UBA2: variants seen among roughly 807,000 people sequenced by gnomAD.
The protein encoded by UBA2 is SUMO-activating enzyme subunit 2.
In UBA2, 11 loss-of-function variants were observed where a neutral mutation model predicts 77.2. That is an observed-to-expected ratio of 0.14 (90% CI 0.09 to 0.24). The LOEUF (loss-of-function observed/expected upper bound fraction) is 0.24, where lower values mean the gene tolerates loss of function less well. Ranked by LOEUF, UBA2 falls within the 10% of genes least tolerant of loss-of-function variation. UBA2 has a pLI of 1.00. For synonymous variants in UBA2, 278 were observed against 276.7 expected (o/e 1.00, Z -0.05); for missense variants, 487 against 781.7 (o/e 0.62, Z 4.50).
chr19:34,464,778 G>A (rs932900880), intron 15 of UBA2, among the ~76,000 whole-genome samples: 6 of 152,096 alleles, frequency 3.9e-5, no homozygotes, highest in African/African-American at 7.2e-5. Flanking sequence ...AAATCATTTC[G>A]TTTGTGATTT....
intron 6 of UBA2, among the ~76,000 whole-genome samples, chr19:34,439,224 A>AG (rs1361828073): frequency 1.3e-5 from 2 of 150,660 alleles, no homozygotes; most frequent in Non-Finnish European, 3.0e-5. Flanking sequence ...AAAAAAAAAA[A>AG]TGTGGCCATG....
chr19:34,438,878 G>A (rs1426881873), intron 6 of UBA2, 112 bp downstream of exon 6: 8 of 1,390,688 alleles, frequency 5.8e-6, no homozygotes, highest in Non-Finnish European at 7.9e-6. Context: ...ATATGGTGAA[G>A]GGATGCTTTA....
At chr19:34,458,327 G>A (rs1599927238) in intron 12 of UBA2, among the ~76,000 whole-genome samples, 1 of 151,826 alleles carries the variant, frequency 6.6e-6, no homozygotes. Context: ...AGGCCGAGGC[G>A]GGCGGATCAC....
rs2075536014 is a variant in UBA2, at chr19:34,454,425, CCTT to C, written c.1133-18_1133-16del. On this transcript the variant is annotated splice_polypyrimidine_tract_variant and intron_variant, in intron 11 of 16. Transcript: ENST00000246548. ...TTTTTAAACAGTGAAACATACTCAT[CCTT>C]TTTTTTTTTTCCCAGCAATGGCAGG... is the stretch of plus-strand genomic sequence containing the variant. 1 of 1,540,736 alleles carries C rather than the reference CCTT, an allele frequency of 6.5e-7. No homozygotes were observed. Among genetic ancestry groups the C allele is most frequent in the Non-Finnish European group, 8.9e-7 (1 of 1,129,488 alleles).
At chr19:34,429,354 C>A in intron 1 of UBA2, 2 of 653,670 alleles carry the variant, frequency 3.1e-6, no homozygotes, top group East Asian at 1.4e-4. Context: ...ATGTTACTGG[C>A]CCTTCGGTGT....
chr19:34,457,442 G>GC (rs1380497872), intron 12 of UBA2, among the ~76,000 whole-genome samples: 1 of 151,796 alleles, frequency 6.6e-6, no homozygotes, highest in Non-Finnish European at 1.5e-5. Flanking sequence ...ATTAATGTTA[G>GC]CCCAGGTATT....
chr19:34,428,403 G>A lies in UBA2; in HGVS notation c.-30G>A. On this transcript the variant is annotated 5_prime_UTR_variant, in exon 1 of 17. Coordinates refer to ENST00000246548, the MANE Select transcript of UBA2 (RefSeq NM_005499.3). ...GCCGCGGCTCGGTTCTCCCGCCTCCGCCTCCGCCGCGGCTCGTGGTTGTCC... is the reference window on the plus strand; with the variant it reads ...GCCGCGGCTCGGTTCTCCCGCCTCCACCTCCGCCGCGGCTCGTGGTTGTCC... 7 of 1,239,132 alleles carry A rather than the reference G, an allele frequency of 5.6e-6. No individual in the cohort carries two copies. The highest frequency in any genetic ancestry group is 7.1e-6 in the Non-Finnish European group (7 of 990,436). The allele number at this position is 1,239,132 out of a possible 1,614,324, so 76.8% of individuals were successfully genotyped here.
At chr19:34,448,698 T>C (rs1007187306) in intron 8 of UBA2, among the ~76,000 whole-genome samples, 1 of 152,188 alleles carries the variant, frequency 6.6e-6, no homozygotes, top group Non-Finnish European at 1.5e-5. Context: ...GAGATTCTTT[T>C]GGAACATTAG....
At chr19:34,433,767 C>G (rs2075280160) in intron 4 of UBA2, among the ~76,000 whole-genome samples, 1 of 152,104 alleles carries the variant, frequency 6.6e-6, no homozygotes, top group African/African-American at 2.4e-5. Context: ...CGAGACCAAC[C>G]TAGTCAACAT....
chr19:34,454,470 A>G lies in UBA2; in HGVS notation c.1159A>G (p.Ile387Val), dbSNP rs139440257. 10 of 1,602,238 alleles carry G rather than the reference A, an allele frequency of 6.2e-6. No individual in the cohort carries two copies. The African/African-American group carries it at 8.1e-5, about 13-fold the overall frequency. The stretch of plus-strand genomic sequence containing the variant: ...AATGGCAGGGAACATTATTCCTGCT[A>G]TTGCTACTACTAATGCAGTAATTGC... The part of the protein sequence containing the change: ...KSMAGNIIPA[I>V]ATTNAVIAGL... Residue 387 changes from isoleucine (I) to valine (V), a missense_variant, in exon 12 of 17, where the codon ATT becomes GTT. Around this residue, in one of 9 missense-constraint regions of UBA2, gnomAD observed 300 missense variants for 454.3 expected, o/e 0.66. Transcript: ENST00000246548.
At chr19:34,460,852 T>G (rs949702118) in intron 14 of UBA2, among the ~76,000 whole-genome samples, 1 of 152,204 alleles carries the variant, frequency 6.6e-6, no homozygotes, top group Non-Finnish European at 1.5e-5. Context: ...AGAAGACTAT[T>G]CTGTCTGTCA....
intron 4 of UBA2, 111 bp downstream of exon 4, chr19:34,433,523 TAAGAG>T: frequency 1.3e-6 from 1 of 782,028 alleles, no homozygotes; most frequent in Non-Finnish European, 2.1e-6. Context: ...TTAAAAGACT[TAAGAG>T]AAATGATCGA....
At chr19:34,433,446 A>T in intron 4 of UBA2, 34 bp downstream of exon 4, 1 of 1,344,136 alleles carries the variant, frequency 7.4e-7, no homozygotes, top group Non-Finnish European at 1.1e-6. Context: ...ATTTCTCAGT[A>T]TTTCCTCTCT....
At position 34,436,350 on chromosome 19, in the gene UBA2, A is replaced by C. The variant is rs541004123; in HGVS notation, c.459+1382A>C. Among the ~76,000 whole-genome samples the C allele has an allele frequency of 1.3e-3, 192 of 152,122 alleles. 2 individuals carry two copies. In the Middle Eastern group the frequency reaches 0.017, roughly 13 times the overall value. On this transcript the variant is annotated intron_variant, in intron 5 of 16. Transcript: ENST00000246548. ...ATTTCGCTCTTGTTGCCCAGGCTGC[A>C]GTGCAGTGGCGCGATCTCAGCTCGC...
chr19:34,458,670 T>C (rs899370990), intron 12 of UBA2, 99 bp from the exon 13 acceptor site: 1 of 1,089,550 alleles, frequency 9.2e-7, no homozygotes, highest in African/African-American at 1.6e-5. Context: ...AATTTTTAAG[T>C]CATTTTTTAT....
intron 5 of UBA2, among the ~76,000 whole-genome samples, chr19:34,435,544 T>C (rs1428553435): frequency 2.0e-5 from 3 of 151,126 alleles, no homozygotes; most frequent in Non-Finnish European, 4.4e-5. Context: ...AATTTCTTTG[T>C]GTCGGCTGCG....
intron 12 of UBA2, among the ~76,000 whole-genome samples, chr19:34,456,077 C>T (rs188952000): frequency 2.8e-4 from 38 of 136,012 alleles, no homozygotes; most frequent in Admixed American, 1.6e-3. Flanking sequence ...GCACTTGGCC[C>T]GATGCGCTCT....
At chr19:34,434,151 G>C (rs1279385934) in intron 4 of UBA2, among the ~76,000 whole-genome samples, 1 of 152,184 alleles carries the variant, frequency 6.6e-6, no homozygotes, top group Non-Finnish European at 1.5e-5. Flanking sequence ...GGGTCTCACT[G>C]TTGCCCAGAC....
intron 10 of UBA2, 111 bp from the exon 11 acceptor site, chr19:34,454,149 C>A (rs1308407097): frequency 3.1e-6 from 3 of 976,386 alleles, no homozygotes; most frequent in South Asian, 1.6e-5. Context: ...ACCTCTTGTT[C>A]TAGTCGAAAG....
Sources: allele counts gnomAD v4.1 joint callset (sites outside exome capture counted in the v4.1 genomes callset), GRCh38; gene constraint gnomAD v4.1.1; regional missense constraint gnomAD v4.1.1; transcripts MANE v1.5; gene names NCBI Gene and HGNC (gene_info 2026-07-23, HGNC 2026-07-21).